CELF2: variants seen among roughly 807,000 people sequenced by gnomAD.
The protein encoded by CELF2 is CUG triplet repeat RNA-binding protein 2.
CELF2 carries 8 observed loss-of-function variants against 62.6 expected under a neutral mutation model. The observed-to-expected ratio is 0.13, with a 90% CI of 0.07 to 0.23. The LOEUF (loss-of-function observed/expected upper bound fraction) is 0.23. Ranked by LOEUF, CELF2 falls within the 10% of genes least tolerant of loss-of-function variation. The pLI is 1.00. For synonymous variants in CELF2, 258 were observed against 250.0 expected (o/e 1.03, Z -0.30); for missense variants, 333 against 671.0 (o/e 0.50, Z 5.56).
chr10:11,052,393 A>T lies in CELF2; in HGVS notation c.74+34230A>T, dbSNP rs985442974. 2.6e-5 allele frequency among the ~76,000 whole-genome samples: 4 copies of T among 152,328 alleles called. No homozygotes were observed. In the South Asian group the frequency reaches 6.2e-4, roughly 24 times the overall value. ...AGTTACTATGATTAAACCTTGCTTG[A>T]TGCAGACACCTGAGATTGAAGCTTC... On this transcript the variant is annotated intron_variant, in intron 1 of 12. Coordinates refer to ENST00000633077, the MANE Select transcript of CELF2 (RefSeq NM_001326342.2).
intron 1 of CELF2, among the ~76,000 whole-genome samples, chr10:10,855,161 A>G (rs956679919): frequency 2.0e-5 from 3 of 152,154 alleles, no homozygotes; most frequent in Non-Finnish European, 4.4e-5. Flanking sequence ...AAGCTTGATC[A>G]GTTTTCTCAG....
chr10:11,134,936 T>C (rs1445549146), intron 1 of CELF2, among the ~76,000 whole-genome samples: 1 of 152,216 alleles, frequency 6.6e-6, no homozygotes, highest in Non-Finnish European at 1.5e-5. Context: ...CTTGAGAAAA[T>C]ATCCCCTACC....
chr10:10,873,651 GT>G (rs779098802), intron 1 of CELF2, among the ~76,000 whole-genome samples: 4 of 152,206 alleles, frequency 2.6e-5, no homozygotes, highest in Non-Finnish European at 5.9e-5. Flanking sequence ...ACTTGAATGG[GT>G]TTTTAACCAA....
At chr10:11,326,202 A>T (rs1566011739) in intron 12 of CELF2, among the ~76,000 whole-genome samples, 1 of 152,254 alleles carries the variant, frequency 6.6e-6, no homozygotes, top group African/African-American at 2.4e-5. Flanking sequence ...TACACTATTA[A>T]GGAATCTAAC....
the CELF2 span, among the ~76,000 whole-genome samples, chr10:10,668,522 A>G: frequency 2.0e-5 from 3 of 152,144 alleles, no homozygotes; most frequent in Non-Finnish European, 4.4e-5. Context: ...TACAACATAT[A>G]TGTTTCCCAT....
the CELF2 span, among the ~76,000 whole-genome samples, chr10:10,681,617 AT>A: frequency 1.3e-5 from 2 of 151,986 alleles, no homozygotes; most frequent in African/African-American, 2.4e-5. Context: ...TGTTCTTTTG[AT>A]TTTTTTTAAC....
At chr10:11,018,501 C>T (rs2057707774) in intron 1 of CELF2, among the ~76,000 whole-genome samples, 1 of 149,772 alleles carries the variant, frequency 6.7e-6, no homozygotes, top group Admixed American at 6.6e-5. Context: ...GCGGGGTCCA[C>T]CGACCGGCGC....
At chr10:11,167,464 C>T (rs535473050) in intron 2 of CELF2, among the ~76,000 whole-genome samples, 23 of 152,354 alleles carry the variant, frequency 1.5e-4, no homozygotes, top group Non-Finnish European at 2.2e-4. Flanking sequence ...ATGGTCAGAG[C>T]TCACTTACTG....
At chr10:10,788,453 CTTTTTT>C in the CELF2 span, among the ~76,000 whole-genome samples, 1 of 95,730 alleles carries the variant, frequency 1.0e-5, no homozygotes, top group Non-Finnish European at 2.1e-5. Context: ...TTCTTTCCAT[CTTTTTT>C]TTTTTTTTTT....
the CELF2 span, among the ~76,000 whole-genome samples, chr10:10,494,080 G>T: frequency 6.6e-6 from 1 of 152,164 alleles, no homozygotes; most frequent in Non-Finnish European, 1.5e-5. Context: ...CCCAAGAGAG[G>T]CTGACTGCCT....
At chr10:10,587,754 C>T in the CELF2 span, among the ~76,000 whole-genome samples, 13 of 152,180 alleles carry the variant, frequency 8.5e-5, no homozygotes, top group African/African-American at 2.9e-4. Flanking sequence ...TTTCCTTGCT[C>T]TTTGTTTGAA....
intron 2 of CELF2, among the ~76,000 whole-genome samples, chr10:10,979,877 T>G (rs1181285722): frequency 6.6e-6 from 1 of 152,166 alleles, no homozygotes; most frequent in African/African-American, 2.4e-5. Flanking sequence ...ATTGCAAGGA[T>G]TGTGGTAACT....
Position 10,802,467 on chromosome 10 carries a change from C to T in CELF2, c.53+3650C>T, listed in dbSNP as rs1289890893. Among the ~76,000 whole-genome samples, 4 of 152,240 alleles carry T rather than the reference C, an allele frequency of 2.6e-5. No homozygotes were observed. The Middle Eastern group carries it at 0.01, about 388-fold the overall frequency. ...CCTGGGTGACAGAGCGAGACTCTGTCTCAAACAAACAAACAAAAAAAGAAT... is the reference window on the plus strand; with the variant it reads ...CCTGGGTGACAGAGCGAGACTCTGTTTCAAACAAACAAACAAAAAAAGAAT... On this transcript the variant is annotated intron_variant, in intron 1 of 13. Transcript: ENST00000636488.
chr10:10,943,205 G>T (rs1243272636), intron 2 of CELF2, among the ~76,000 whole-genome samples: 2 of 152,140 alleles, frequency 1.3e-5, no homozygotes, highest in African/African-American at 4.8e-5. Context: ...TCTGAATAAG[G>T]TCTTCTTCCT....
At chr10:10,505,012 C>T in the CELF2 span, among the ~76,000 whole-genome samples, 1 of 152,092 alleles carries the variant, frequency 6.6e-6, no homozygotes, top group Non-Finnish European at 1.5e-5. Context: ...ATAAATCAAA[C>T]ATGTCTGTCA....
At chr10:11,210,222 G>C (rs2061480321) in intron 2 of CELF2, among the ~76,000 whole-genome samples, 1 of 152,168 alleles carries the variant, frequency 6.6e-6, no homozygotes, top group South Asian at 2.1e-4. Context: ...AAAATATATA[G>C]AGAGCTCAGT....
the CELF2 span, among the ~76,000 whole-genome samples, chr10:10,499,397 T>A: frequency 1.3e-5 from 2 of 152,248 alleles, no homozygotes; most frequent in South Asian, 4.1e-4. Flanking sequence ...ATTATTTTTG[T>A]TTTTATTGAA....
chr10:10,577,593 A>G, the CELF2 span, among the ~76,000 whole-genome samples: 1 of 148,686 alleles, frequency 6.7e-6, no homozygotes, highest in African/African-American at 2.5e-5. Context: ...CCCACCTATG[A>G]GTGAGAACAT....
the CELF2 span, among the ~76,000 whole-genome samples, chr10:10,470,368 T>C: frequency 2.6e-5 from 4 of 151,860 alleles, no homozygotes; most frequent in African/African-American, 9.7e-5. Context: ...TTCCTCTTTT[T>C]GAGTTCTGTA....
Sources: gnomAD v4.1 joint callset for allele counts (sites outside exome capture counted in the v4.1 genomes callset) on GRCh38, gnomAD v4.1.1 for gene constraint, MANE v1.5 for transcripts, NCBI Gene and HGNC (gene_info 2026-07-23, HGNC 2026-07-21) for gene names.